LILRA1: variants seen among roughly 807,000 people sequenced by gnomAD.
LILRA1 encodes the protein leukocyte immunoglobulin-like receptor subfamily A member 1.
LILRA1 carries 51 observed loss-of-function variants against 51.6 expected under a neutral mutation model. The observed-to-expected ratio is 0.99, with a 90% CI of 0.79 to 1.25. The LOEUF is 1.25. Among genes scored for constraint, LILRA1 ranks in the 50% most tolerant of loss-of-function variants. The pLI is 0.00. For missense variants in LILRA1, 660 were observed against 611.7 expected (o/e 1.08, Z -0.83); for synonymous variants, 305 against 248.4 (o/e 1.23, Z -2.14).
rs927169269 is a variant in LILRA1 at position 54,602,370 on chromosome 19, T to G, written c.*1553T>G. 6.6e-6 allele frequency among the ~76,000 whole-genome samples: 1 copy of G among 152,224 alleles called. No individual in the cohort carries two copies. Among genetic ancestry groups the G allele is most frequent in the Non-Finnish European group, 1.5e-5 (1 of 68,032 alleles). ...ATCTACCCTCTAGAATAAAGAAATC[T>G]TATTAAGGACATTTTCAAAGCCTTA... On this transcript the variant is annotated 3_prime_UTR_variant, in exon 10 of 10. Transcript: ENST00000251372.
rs1163149195 is a variant in LILRA1 at position 54,595,279 on chromosome 19, G to A, written c.538G>A (p.Ala180Thr). The A allele has an allele frequency of 1.2e-6, 2 of 1,614,096 alleles. No individual in the cohort carries two copies. Among genetic ancestry groups the A allele is most frequent in the South Asian group, 1.1e-5 (1 of 91,084 alleles). Residue 180 changes from alanine (A) to threonine (T), a missense_variant, in exon 5 of 10, where the codon GCC becomes ACC. Transcript: ENST00000251372. ...SQPRTHGWSRAIFSVGPVSPS... is the reference protein window; with the variant it reads ...SQPRTHGWSRTIFSVGPVSPS... ...GCCCCGTACCCATGGGTGGTCCCGG[G>A]CCATCTTCTCTGTGGGCCCCGTGAG...
At chr19:54,597,393 T>C (rs2063081940) in intron 7 of LILRA1, among the ~76,000 whole-genome samples, 1 of 152,022 alleles carries the variant, frequency 6.6e-6, no homozygotes, top group Non-Finnish European at 1.5e-5. Flanking sequence ...TCTTTCCCCC[T>C]CCCCGAGCAG....
chr19:54,601,094 C>A lies in LILRA1; in HGVS notation c.*277C>A. On this transcript the variant is annotated 3_prime_UTR_variant, in exon 10 of 10. Transcript: ENST00000251372. ...ATCCTCTTCTTTCCCCACCCCCAGA[C>A]AGACATGAGGCTACATCCCACATGG... The A allele has an allele frequency of 1.9e-6, 1 of 528,170 alleles. No individual in the cohort carries two copies. Among genetic ancestry groups the A allele is most frequent in the Non-Finnish European group, 3.4e-6 (1 of 293,526 alleles). The allele number at this position is 528,170 out of a possible 1,614,324, so 32.7% of individuals were successfully genotyped here.
rs765479634 is a variant in LILRA1, at chr19:54,595,356, C to G, written c.615C>G (p.Pro205=). ...YRCYAYDSNS[P]HVWSLPSDLL... Reference sequence around the variant, plus strand: ...GCTATGCTTATGACTCGAACTCTCCCCATGTGTGGTCTCTACCCAGTGATC... The same window carrying G: ...GCTATGCTTATGACTCGAACTCTCCGCATGTGTGGTCTCTACCCAGTGATC... The change falls in exon 5 of 10, where the codon CCC becomes CCG. Residue 205 remains proline (P), a synonymous_variant. Coordinates refer to ENST00000251372, the MANE Select transcript of LILRA1 (RefSeq NM_006863.4). The G allele has an allele frequency of 1.9e-6, 3 of 1,613,976 alleles. No individual in the cohort carries two copies. Among genetic ancestry groups the G allele is most frequent in the Non-Finnish European group, 2.5e-6 (3 of 1,179,896 alleles).
At chr19:54,594,605 G>C (rs2062982636) in intron 3 of LILRA1, 60 bp from the exon 4 acceptor site, 1 of 1,606,560 alleles carries the variant, frequency 6.2e-7, no homozygotes, top group Non-Finnish European at 8.5e-7. Flanking sequence ...GTCCTGGGCT[G>C]AGAGCTGAGA....
Position 54,595,098 on chromosome 19 carries a change from AG to A in LILRA1, c.359del, listed in dbSNP as rs1353008054. 1 of 1,612,352 alleles carries A rather than the reference AG, an allele frequency of 6.2e-7. No individual in the cohort carries two copies. Among genetic ancestry groups the A allele is most frequent in the Non-Finnish European group, 8.5e-7 (1 of 1,178,992 alleles). On this transcript the variant is annotated splice_acceptor_variant, in intron 4 of 9. Transcript: ENST00000251372. LOFTEE classifies it high-confidence loss of function. ...TTAACATGGTGCCTCCTTCTCTCCT[AG>A]GAGCCTACATCAAACCCACCCTCTC...
chr19:54,599,602 G>C lies in LILRA1; in HGVS notation c.1312+316G>C, dbSNP rs577261829. Reference sequence around the variant, plus strand: ...TTTACTAATACAATTTGTATAAACCGTAAGACAATGGGAAATTTTACTTCT... The same window carrying C: ...TTTACTAATACAATTTGTATAAACCCTAAGACAATGGGAAATTTTACTTCT... On this transcript the variant is annotated intron_variant, in intron 8 of 9. Coordinates refer to ENST00000251372, the MANE Select transcript of LILRA1 (RefSeq NM_006863.4). 2.8e-6 allele frequency: 3 copies of C among 1,067,722 alleles called. No homozygotes were observed. The African/African-American group carries it at 5.2e-5, about 18-fold the overall frequency. The allele number at this position is 1,067,722 out of a possible 1,614,324, so 66.1% of individuals were successfully genotyped here.
At chr19:54,599,892 T>C (rs1242573257) in intron 8 of LILRA1, among the ~76,000 whole-genome samples, 2 of 152,194 alleles carry the variant, frequency 1.3e-5, no homozygotes, top group African/African-American at 2.4e-5. Flanking sequence ...CAAATACTGA[T>C]TTATGAACCT....
intron 8 of LILRA1, among the ~76,000 whole-genome samples, chr19:54,600,134 C>T (rs2063137996): frequency 1.3e-5 from 2 of 152,112 alleles, no homozygotes; most frequent in Admixed American, 1.3e-4. Flanking sequence ...GACCAACCTC[C>T]CATGCATGGA....
At chr19:54,594,140 C>T (rs1226373294) in intron 1 of LILRA1, 57 bp from the exon 2 acceptor site, 2 of 1,511,414 alleles carry the variant, frequency 1.3e-6, no homozygotes, top group Middle Eastern at 1.7e-4. Flanking sequence ...TCCGAGTGTC[C>T]ACACTGGGTG....
At chr19:54,597,721 GA>G (rs2063088734) in intron 7 of LILRA1, among the ~76,000 whole-genome samples, 1 of 151,878 alleles carries the variant, frequency 6.6e-6, no homozygotes, top group South Asian at 2.1e-4. Flanking sequence ...CCCTGAGGAT[GA>G]ACCCCTCACC....
chr19:54,594,492 G>A lies in LILRA1; in HGVS notation c.70+16G>A. The A allele has an allele frequency of 6.2e-7, 1 of 1,614,088 alleles. No individual in the cohort carries two copies. Among genetic ancestry groups the A allele is most frequent in the Middle Eastern group, 1.7e-4 (1 of 5,978 alleles). On this transcript the variant is annotated intron_variant, in intron 3 of 9. Coordinates refer to ENST00000251372, the MANE Select transcript of LILRA1 (RefSeq NM_006863.4). ...GTGCAGGCAGGTGAGTCTGTCCCCA[G>A]CTCTCCCAGGTCCCTCCTCCTCACT...
In LILRA1 at chr19:54,595,191, A is replaced by T; in HGVS notation, c.450A>T (p.Ala150=). 5 of 1,614,000 alleles carry T rather than the reference A, an allele frequency of 3.1e-6. No individual in the cohort carries two copies. The highest frequency in any genetic ancestry group is 4.2e-6 in the Non-Finnish European group (5 of 1,179,984). ...CCCTCCATTGTGTCTCACAGGTGGCATTTGGCAGCTTCATTCTGTGTAAGG... is the reference window on the plus strand; with the variant it reads ...CCCTCCATTGTGTCTCACAGGTGGCTTTTGGCAGCTTCATTCTGTGTAAGG... ...NVTLHCVSQV[A]FGSFILCKEG... Residue 150 remains alanine (A), a synonymous_variant, in exon 5 of 10, where the codon GCA becomes GCT. Transcript: ENST00000251372.
chr19:54,600,273 T>C (rs1375604542), intron 8 of LILRA1, among the ~76,000 whole-genome samples: 2 of 152,200 alleles, frequency 1.3e-5, no homozygotes, highest in Non-Finnish European at 2.9e-5. Flanking sequence ...TTGCAGATCC[T>C]GAGCTCCCAG....
chr19:54,600,612 A>G (rs2063146373), intron 9 of LILRA1, 62 bp downstream of exon 9: 2 of 1,611,806 alleles, frequency 1.2e-6, no homozygotes, highest in African/African-American at 1.3e-5. Flanking sequence ...TGTCAAGGGT[A>G]AGGAGGTGCT....
At chr19:54,595,524 G>T (rs771445619) in intron 5 of LILRA1, 115 bp from the exon 6 acceptor site, 20 of 1,540,280 alleles carry the variant, frequency 1.3e-5, no homozygotes, top group Non-Finnish European at 1.7e-5. Flanking sequence ...AGGGCTCAGG[G>T]CTCCTGGGGC....
chr19:54,598,380 G>C (rs2063102592), intron 7 of LILRA1, among the ~76,000 whole-genome samples: 1 of 151,960 alleles, frequency 6.6e-6, no homozygotes, highest in South Asian at 2.1e-4. Flanking sequence ...TAAAAATCGA[G>C]GTTTCCTTAA....
At chr19:54,595,508 G>C (rs1238905714) in intron 5 of LILRA1, 106 bp downstream of exon 5, 1 of 1,540,358 alleles carries the variant, frequency 6.5e-7, no homozygotes, top group Non-Finnish European at 8.7e-7. Flanking sequence ...ATGATGTTGG[G>C]GCGAGAGGGC....
chr19:54,594,857 T>A lies in LILRA1; in HGVS notation c.263T>A (p.Ile88Asn), dbSNP rs200199628. The A allele has an allele frequency of 6.6e-5, 106 of 1,614,086 alleles. No homozygotes were observed. Among genetic ancestry groups the A allele is most frequent in the Non-Finnish European group, 8.6e-5 (101 of 1,179,992 alleles). The change falls in exon 4 of 10, where the codon ATC (isoleucine) becomes AAC (asparagine). Residue 88 changes from isoleucine to asparagine, a missense_variant. Physicochemically the swap from Ile to Asn is moderately radical, Grantham distance 149. Coordinates refer to ENST00000251372, the MANE Select transcript of LILRA1 (RefSeq NM_006863.4). Reference protein sequence around the residue: ...VKKGQFPIPSITWEHTGRYRC... With the variant: ...VKKGQFPIPSNTWEHTGRYRC... The stretch of plus-strand genomic sequence containing the variant: ...AAGGGCCAGTTCCCCATCCCATCCA[T>A]CACCTGGGAACACACAGGGCGGTAT...
Sources: gnomAD v4.1 joint callset for allele counts (sites outside exome capture counted in the v4.1 genomes callset) on GRCh38, gnomAD v4.1.1 for gene constraint, MANE v1.5 for transcripts, NCBI Gene and HGNC (gene_info 2026-07-23, HGNC 2026-07-21) for gene names.